The following DHX40 variants were observed in gnomAD, a reference collection of about 807,000 sequenced individuals.
DHX40 encodes the protein DEAH-box helicase 40.
In DHX40, 28 loss-of-function variants were observed where a neutral mutation model predicts 89.6. That is an observed-to-expected ratio of 0.31 (90% CI 0.23 to 0.43). The LOEUF (loss-of-function observed/expected upper bound fraction) is 0.43. Ranked by LOEUF, DHX40 falls within the 20% of genes least tolerant of loss-of-function variation. DHX40 has a pLI of 1.00. For synonymous variants in DHX40, 226 were observed against 283.6 expected, an observed-to-expected ratio of 0.80 and a Z score of 2.04; for missense variants, 457 against 844.0, an observed-to-expected ratio of 0.54 and a Z score of 5.68.
At chr17:59,569,715 A>C (rs1156407882) in intron 2 of DHX40, among the ~76,000 whole-genome samples, 4 of 144,864 alleles carry the variant, frequency 2.8e-5, no homozygotes, top group Non-Finnish European at 6.0e-5. Context: ...ATATATCTAT[A>C]TATATATATA....
intron 10 of DHX40, among the ~76,000 whole-genome samples, chr17:59,580,634 TA>T (rs567484118): frequency 1.5e-3 from 152 of 102,998 alleles, no homozygotes; most frequent in South Asian, 1.6e-3. Context: ...TCTCTACAAT[TA>T]AAAAAAAAAA....
At chr17:59,570,188 TATATA>T (rs1310093278) in intron 2 of DHX40, among the ~76,000 whole-genome samples, 15 of 122,960 alleles carry the variant, frequency 1.2e-4, no homozygotes, top group African/African-American at 3.0e-4. Context: ...ATATATATAA[TATATA>T]ATATATTATA....
intron 12 of DHX40, among the ~76,000 whole-genome samples, chr17:59,591,324 AAG>A (rs1200511232): frequency 6.6e-6 from 1 of 150,442 alleles, no homozygotes; most frequent in African/African-American, 2.4e-5. Context: ...AAAAGAAAGA[AAG>A]AAATAAACAA....
intron 12 of DHX40, among the ~76,000 whole-genome samples, chr17:59,598,021 C>G (rs1402118899): frequency 1.3e-5 from 2 of 151,594 alleles, no homozygotes; most frequent in Non-Finnish European, 2.9e-5. Context: ...CATGCATCAC[C>G]ATGCCTGGCT....
chr17:59,571,184 T>C (rs2048802073), intron 3 of DHX40, among the ~76,000 whole-genome samples: 1 of 152,126 alleles, frequency 6.6e-6, no homozygotes, highest in Non-Finnish European at 1.5e-5. Flanking sequence ...TGGGCTGGGC[T>C]CGATGGCTCA....
At chr17:59,590,893 T>G (rs77930760) in intron 12 of DHX40, among the ~76,000 whole-genome samples, 2 of 151,362 alleles carry the variant, frequency 1.3e-5, no homozygotes, top group South Asian at 4.2e-4. Flanking sequence ...GTATCAGAGC[T>G]AAAAATACCA....
rs530336479 is a variant in DHX40, at chr17:59,577,148, C to T, written c.974-118C>T. The T allele has an allele frequency of 1.1e-4, 91 of 799,152 alleles. 2 individuals carry two copies. Among genetic ancestry groups the T allele is most frequent in the South Asian group, 1.0e-3 (72 of 69,676 alleles). 49.5% of individuals were successfully genotyped at this position (799,152 alleles called of 1,614,324 possible). A position where few individuals can be genotyped will look rare whatever the true frequency, so the allele number is the denominator to read the frequency against. On this transcript the variant is annotated intron_variant, in intron 7 of 17. Transcript: ENST00000251241. The stretch of plus-strand genomic sequence containing the variant: ...CCTCCCAAAGTGCTGGGATTACAGG[C>T]GTGAGTCACCACGCCCGGCCTAGAA...
rs976412654 is a variant in DHX40, at chr17:59,566,566, G to A, written c.113-61G>A. ...ATTGCCTTTCTGGTTTTAGTCATGA[G>A]AAATTGAGTCAGAGATATCTTTACA... is the stretch of plus-strand genomic sequence containing the variant. On this transcript the variant is annotated intron_variant, in intron 1 of 17. Transcript: ENST00000251241. 1.5e-5 allele frequency: 22 copies of A among 1,471,246 alleles called. No individual in the cohort carries two copies. The African/African-American group carries it at 3.1e-4, about 21-fold the overall frequency. 91.1% of individuals were successfully genotyped at this position (1,471,246 alleles called of 1,614,324 possible).
intron 12 of DHX40, among the ~76,000 whole-genome samples, chr17:59,590,748 G>A (rs553626305): frequency 8.6e-4 from 131 of 151,920 alleles, no homozygotes; most frequent in African/African-American, 3.0e-3. Context: ...GGTATTACAG[G>A]CCTGAGCCAT....
At position 59,565,658 on chromosome 17, in the gene DHX40, T is replaced by C; in HGVS notation, c.-14T>C. On this transcript the variant is annotated 5_prime_UTR_variant, in exon 1 of 18. Coordinates refer to ENST00000251241, the MANE Select transcript of DHX40 (RefSeq NM_024612.5). ...GATCGGTGGACGTGCTCGCCTCCAC[T>C]CGGGGCCAGGTCTATGTCCCGGTTT... The C allele has an allele frequency of 6.3e-7, 1 of 1,595,606 alleles. No individual in the cohort carries two copies. The highest frequency in any genetic ancestry group is 8.5e-7 in the Non-Finnish European group (1 of 1,177,028).
intron 2 of DHX40, among the ~76,000 whole-genome samples, chr17:59,568,452 G>C (rs2048739614): frequency 6.6e-6 from 1 of 151,954 alleles, no homozygotes; most frequent in Non-Finnish European, 1.5e-5. Flanking sequence ...TCTTATCCTT[G>C]GGAGATGCCT....
intron 2 of DHX40, 71 bp from the exon 3 acceptor site, chr17:59,570,447 A>T: frequency 6.8e-7 from 1 of 1,469,396 alleles, no homozygotes; most frequent in Non-Finnish European, 9.0e-7. Flanking sequence ...TTGATTGGCC[A>T]AAAACAATTT....
chr17:59,606,625 A>G (rs1482352812), intron 17 of DHX40, among the ~76,000 whole-genome samples: 1 of 151,992 alleles, frequency 6.6e-6, no homozygotes, highest in Non-Finnish European at 1.5e-5. Flanking sequence ...GGGCGCCTGT[A>G]GTCCCAGCTA....
intron 11 of DHX40, among the ~76,000 whole-genome samples, chr17:59,587,586 T>G (rs1296100653): frequency 6.6e-6 from 1 of 151,486 alleles, no homozygotes; most frequent in Non-Finnish European, 1.5e-5. Context: ...GCCTCCCAAG[T>G]AGCAGGGACT....
chr17:59,587,822 T>C (rs2049020592), intron 11 of DHX40, 74 bp from the exon 12 acceptor site: 2 of 1,548,844 alleles, frequency 1.3e-6, no homozygotes, highest in Non-Finnish European at 1.8e-6. Flanking sequence ...ATATCTGATT[T>C]ATTCTGAATG....
intron 12 of DHX40, among the ~76,000 whole-genome samples, chr17:59,594,813 C>G (rs1371449019): frequency 6.6e-6 from 1 of 151,804 alleles, no homozygotes; most frequent in African/African-American, 2.4e-5. Context: ...CTTGAAGGCT[C>G]TCGCATAGCC....
chr17:59,570,825 G>A (rs1180161960), intron 3 of DHX40, among the ~76,000 whole-genome samples, 162 bp downstream of exon 3: 1 of 152,180 alleles, frequency 6.6e-6, no homozygotes, highest in Non-Finnish European at 1.5e-5. Flanking sequence ...TGGGACTACA[G>A]GAGCATGCCA....
Position 59,583,570 on chromosome 17 carries a change from G to T in DHX40, c.1344-2583G>T, listed in dbSNP as rs533293146. Reference sequence around the variant, plus strand: ...TCACAACCTTAATATTGGCTTATACGTATGGCTCTGTTTAAAAAATTTTTT... The same window carrying T: ...TCACAACCTTAATATTGGCTTATACTTATGGCTCTGTTTAAAAAATTTTTT... On this transcript the variant is annotated intron_variant, in intron 10 of 17. Coordinates refer to ENST00000251241, the MANE Select transcript of DHX40 (RefSeq NM_024612.5). 2.4e-4 allele frequency among the ~76,000 whole-genome samples: 34 copies of T among 140,442 alleles called. 5 individuals are homozygous for T. Among genetic ancestry groups the T allele is most frequent in the Non-Finnish European group, 1.6e-4 (10 of 62,066 alleles). The allele number at this position is 140,442 out of a possible 152,430, so 92.1% of individuals were successfully genotyped here. A position where few individuals can be genotyped will look rare whatever the true frequency, so the allele number is the denominator to read the frequency against.
chr17:59,604,132 G>A (rs1192557660), intron 15 of DHX40: 1 of 152,210 alleles, frequency 6.6e-6, no homozygotes, highest in Non-Finnish European at 1.5e-5. Flanking sequence ...AGGATTAATT[G>A]TTAGTAATGT....
Sources: allele counts gnomAD v4.1 joint callset (sites outside exome capture counted in the v4.1 genomes callset), GRCh38; gene constraint gnomAD v4.1.1; transcripts MANE v1.5; gene names NCBI Gene and HGNC (gene_info 2026-07-23, HGNC 2026-07-21).